Variants in XXYLT1 observed in about 807,000 individuals in gnomAD.
The protein encoded by XXYLT1 is UDP-xylose:alpha-xyloside alpha-1,3-xylosyltransferase.
In XXYLT1, 20 loss-of-function variants were observed where a neutral mutation model predicts 28.9. The observed-to-expected ratio is 0.69, with a 90% CI of 0.49 to 1.00. The LOEUF is 1.00. Among genes scored for constraint, XXYLT1 ranks in the 50% least tolerant of loss-of-function variants. The pLI is 0.00. For missense variants in XXYLT1, 542 were observed against 560.1 expected (o/e 0.97, Z 0.33); for synonymous variants, 257 against 253.8 (o/e 1.01, Z -0.12).
chr3:195,247,878 C>T, intron 1 of XXYLT1: 1 of 692,772 alleles, frequency 1.4e-6, no homozygotes, highest in South Asian at 1.5e-5. Context: ...AAGCGCTACA[C>T]ACTTTCAAAC....
At chr3:195,228,758 G>T (rs558768132) in intron 1 of XXYLT1, among the ~76,000 whole-genome samples, 7 of 151,738 alleles carry the variant, frequency 4.6e-5, no homozygotes, top group Admixed American at 3.9e-4. Flanking sequence ...AAAGTGCTGG[G>T]ATTACAGGCA....
intron 3 of XXYLT1, among the ~76,000 whole-genome samples, chr3:195,108,701 T>C (rs1717284011): frequency 6.6e-6 from 1 of 152,230 alleles, no homozygotes; most frequent in South Asian, 2.1e-4. Flanking sequence ...TGTAGATGCC[T>C]GTAACACAAT....
In XXYLT1 at chr3:195,270,760, T is replaced by G; in HGVS notation, c.299A>C (p.His100Pro). 1 of 1,583,006 alleles carries G rather than the reference T, an allele frequency of 6.3e-7. No individual in the cohort carries two copies. The highest frequency in any genetic ancestry group is 8.6e-7 in the Non-Finnish European group (1 of 1,169,134). Residue 100 changes from histidine (H) to proline (P), a missense_variant, in exon 1 of 4, where the codon CAC (histidine) becomes CCC (proline). Coordinates refer to ENST00000310380, the MANE Select transcript of XXYLT1 (RefSeq NM_152531.5). ...CGCCTTGGTGAACATCATCAGCAGG[T>G]GGTAGTCCACCGGCCCGGCACCGCC... ...EGGGAGPVDY[H>P]LLMMFTKAEH...
intron 2 of XXYLT1, among the ~76,000 whole-genome samples, chr3:195,183,291 T>A (rs1722037080): frequency 6.6e-6 from 1 of 152,178 alleles, no homozygotes; most frequent in South Asian, 2.1e-4. Flanking sequence ...CACGCTGTTC[T>A]AGTAATAGTC....
intron 3 of XXYLT1, among the ~76,000 whole-genome samples, chr3:195,070,797 C>T (rs894865457): frequency 6.6e-6 from 1 of 152,220 alleles, no homozygotes; most frequent in Non-Finnish European, 1.5e-5. Flanking sequence ...CCTGCGACAG[C>T]CCAGGGCACA....
At chr3:195,070,586 C>CT (rs932288737) in intron 3 of XXYLT1, among the ~76,000 whole-genome samples, 2 of 152,330 alleles carry the variant, frequency 1.3e-5, no homozygotes, top group Non-Finnish European at 1.5e-5. Context: ...CTAGGTAGAA[C>CT]TTTCCACCCC....
intron 3 of XXYLT1, among the ~76,000 whole-genome samples, chr3:195,131,067 C>T (rs560879762): frequency 2.1e-5 from 3 of 142,834 alleles, no homozygotes; most frequent in Admixed American, 6.9e-5. Context: ...CCCTCTACGG[C>T]CTATTCTCAG....
chr3:195,105,131 T>C (rs1489080382), intron 3 of XXYLT1, among the ~76,000 whole-genome samples: 1 of 152,226 alleles, frequency 6.6e-6, no homozygotes, highest in Non-Finnish European at 1.5e-5. Flanking sequence ...CAGTTCATAA[T>C]GGTCAAATAC....
intron 3 of XXYLT1, among the ~76,000 whole-genome samples, chr3:195,119,952 T>C (rs1343237620): frequency 1.3e-5 from 2 of 152,106 alleles, no homozygotes; most frequent in Non-Finnish European, 2.9e-5. Context: ...GGGAGCAGCC[T>C]GTCCCTGCAT....
chr3:195,228,151 CCACACTGCATCCTAG>C (rs1724135859), intron 1 of XXYLT1, among the ~76,000 whole-genome samples: 1 of 152,172 alleles, frequency 6.6e-6, no homozygotes, highest in African/African-American at 2.4e-5. Context: ...GACAAGCCTG[CCACACTGCATCCTAG>C]CTGCTCAATC....
chr3:195,133,713 C>T lies in XXYLT1; in HGVS notation c.785+22736G>A, dbSNP rs565107340. 2.0e-5 allele frequency among the ~76,000 whole-genome samples: 3 copies of T among 152,136 alleles called. 1 individual carries two copies. The highest frequency in any genetic ancestry group is 4.4e-5 in the Non-Finnish European group (3 of 68,032). On this transcript the variant is annotated intron_variant, in intron 3 of 3. Transcript: ENST00000310380. The surrounding 1 kb of genome is among the most constrained non-coding windows in gnomAD (Gnocchi z 4.4). ...CACCACGTGACGACGTTGCAGTCAACGACAGAACACACGAACAGAGGATGG... is the reference window on the plus strand; with the variant it reads ...CACCACGTGACGACGTTGCAGTCAATGACAGAACACACGAACAGAGGATGG...
intron 3 of XXYLT1, among the ~76,000 whole-genome samples, chr3:195,143,871 G>T (rs13074732): frequency 0.055 from 4,428 of 80,914 alleles, 379 homozygotes; most frequent in East Asian, 0.19. Context: ...TATAGATATA[G>T]ATATATATAT....
chr3:195,119,713 G>A (rs1718243941), intron 3 of XXYLT1, among the ~76,000 whole-genome samples: 1 of 152,202 alleles, frequency 6.6e-6, no homozygotes, highest in Non-Finnish European at 1.5e-5. Context: ...GAACAATGCT[G>A]AGTCTCCCGA....
chr3:195,125,303 C>T (rs1718560054), intron 3 of XXYLT1, among the ~76,000 whole-genome samples: 1 of 152,232 alleles, frequency 6.6e-6, no homozygotes, highest in African/African-American at 2.4e-5. Flanking sequence ...GACCTTCGAC[C>T]AAACAGTCCT....
At chr3:195,234,273 C>T (rs1332094290) in intron 1 of XXYLT1, among the ~76,000 whole-genome samples, 3 of 137,762 alleles carry the variant, frequency 2.2e-5, no homozygotes, top group Non-Finnish European at 4.7e-5. Flanking sequence ...TTTTGTTTGT[C>T]TGGGTAAGTC....
chr3:195,205,916 T>C (rs889173839), intron 2 of XXYLT1, among the ~76,000 whole-genome samples: 4 of 152,250 alleles, frequency 2.6e-5, no homozygotes, highest in African/African-American at 9.6e-5. Flanking sequence ...GTATTTGCTA[T>C]AGTTTTTGCA....
At chr3:195,214,601 C>T (rs958066425) in intron 2 of XXYLT1, among the ~76,000 whole-genome samples, 7 of 152,154 alleles carry the variant, frequency 4.6e-5, no homozygotes, top group Non-Finnish European at 8.8e-5. Flanking sequence ...GGGGCAGTGG[C>T]GCCCTTGTGT....
At chr3:195,182,196 A>G (rs540193956) in intron 2 of XXYLT1, among the ~76,000 whole-genome samples, 23 of 152,258 alleles carry the variant, frequency 1.5e-4, no homozygotes, top group African/African-American at 4.6e-4. Context: ...CGCCTTTAAG[A>G]TGGGAAACTA....
At chr3:195,218,075 A>G (rs1430284394) in intron 2 of XXYLT1, among the ~76,000 whole-genome samples, 1 of 149,404 alleles carries the variant, frequency 6.7e-6, no homozygotes, top group Non-Finnish European at 1.5e-5. Flanking sequence ...CGGATTCCCT[A>G]TTTAATAAAT....
Sources: gnomAD v4.1 joint callset for allele counts (sites outside exome capture counted in the v4.1 genomes callset) on GRCh38, gnomAD v4.1.1 for gene constraint, Gnocchi (gnomAD v3.1) non-coding constraint, MANE v1.5 for transcripts, NCBI Gene and HGNC (gene_info 2026-07-23, HGNC 2026-07-21) for gene names.